PPP6R3: variants seen among roughly 807,000 people sequenced by gnomAD.
PPP6R3 encodes serine/threonine-protein phosphatase 6 regulatory subunit 3.
PPP6R3 carries 38 observed loss-of-function variants against 110.7 expected under a neutral mutation model. The ratio of observed to expected loss-of-function variants is 0.34; its 90% CI spans 0.26 to 0.45. The LOEUF (loss-of-function observed/expected upper bound fraction) is 0.45. PPP6R3 is among the 20% of genes least tolerant of loss of function. The probability of loss-of-function intolerance (pLI) is 1.00; values close to 1 mark genes in which losing one functional copy is unlikely to be tolerated. For missense variants in PPP6R3, 870 were observed against 1,062.4 expected, an observed-to-expected ratio of 0.82 and a Z score of 2.52; for synonymous variants, 369 against 373.5, an observed-to-expected ratio of 0.99 and a Z score of 0.14.
chr11:68,571,003 G>A (rs1565918989), intron 11 of PPP6R3, 37 bp from the exon 12 acceptor site: 14 of 1,568,092 alleles, frequency 8.9e-6, no homozygotes, highest in Non-Finnish European at 9.5e-6. Context: ...TTGATGCTTT[G>A]AAGTATTAAC....
chr11:68,546,869 C>G (rs546108507), intron 4 of PPP6R3, among the ~76,000 whole-genome samples: 30 of 152,240 alleles, frequency 2.0e-4, no homozygotes, highest in African/African-American at 7.0e-4. Flanking sequence ...CACTGAATTA[C>G]GGAATACTTG....
At chr11:68,469,942 T>G (rs1329688816) in intron 1 of PPP6R3, among the ~76,000 whole-genome samples, 2 of 152,254 alleles carry the variant, frequency 1.3e-5, no homozygotes, top group Non-Finnish European at 2.9e-5. Flanking sequence ...TATCCTTATA[T>G]AATGTGACTT....
intron 1 of PPP6R3, among the ~76,000 whole-genome samples, chr11:68,473,345 T>C (rs2098805840): frequency 6.6e-6 from 1 of 152,228 alleles, no homozygotes; most frequent in Non-Finnish European, 1.5e-5. Context: ...CTAGAACACA[T>C]GGAGGTTCCT....
chr11:68,559,214 A>G (rs1290304807), intron 8 of PPP6R3, among the ~76,000 whole-genome samples: 1 of 152,218 alleles, frequency 6.6e-6, no homozygotes, highest in Non-Finnish European at 1.5e-5. Context: ...TTTGAGGACA[A>G]ATTTCTTCTA....
chr11:68,476,401 G>A (rs549005215), intron 1 of PPP6R3, among the ~76,000 whole-genome samples: 13 of 143,480 alleles, frequency 9.1e-5, no homozygotes, highest in Admixed American at 4.9e-4. Flanking sequence ...GCAGTAAGCC[G>A]AGATGGCAGC....
At chr11:68,567,218 G>C (rs2099478130) in intron 10 of PPP6R3, 52 bp downstream of exon 10, 3 of 1,474,040 alleles carry the variant, frequency 2.0e-6, no homozygotes, top group Non-Finnish European at 2.7e-6. Flanking sequence ...ATATTTCATG[G>C]ATATTTAACC....
intron 8 of PPP6R3, among the ~76,000 whole-genome samples, chr11:68,562,346 ATTG>A (rs758891473): frequency 3.3e-5 from 5 of 152,244 alleles, no homozygotes; most frequent in Admixed American, 6.5e-5. Context: ...AAGACTCAGT[ATTG>A]TTAAGATGTC....
At chr11:68,551,056 A>G in intron 5 of PPP6R3, 65 bp from the exon 6 acceptor site, 1 of 1,116,418 alleles carries the variant, frequency 9.0e-7, no homozygotes, top group South Asian at 1.4e-5. Context: ...AAGTATGTTA[A>G]TCTACATTGG....
At chr11:68,516,784 A>G (rs1322455170) in intron 1 of PPP6R3, among the ~76,000 whole-genome samples, 1 of 152,174 alleles carries the variant, frequency 6.6e-6, no homozygotes, top group African/African-American at 2.4e-5. Context: ...CGGTTTTTCC[A>G]CAGCTGCTGT....
At chr11:68,463,359 A>G (rs958243993) in intron 1 of PPP6R3, among the ~76,000 whole-genome samples, 2 of 146,526 alleles carry the variant, frequency 1.4e-5, no homozygotes, top group Admixed American at 6.7e-5. Context: ...GTCTCAGAAA[A>G]AAAAAAAAAA....
At chr11:68,608,344 T>G (rs138235963) in intron 22 of PPP6R3, among the ~76,000 whole-genome samples, 31 of 152,306 alleles carry the variant, frequency 2.0e-4, no homozygotes, top group Non-Finnish European at 3.5e-4. Flanking sequence ...ATCAGAGAAT[T>G]ATAAACGATA....
At chr11:68,488,547 A>T (rs940629340) in intron 1 of PPP6R3, 7 of 151,996 alleles carry the variant, frequency 4.6e-5, no homozygotes, top group African/African-American at 1.7e-4. Context: ...TTGTATTTTT[A>T]TTGGGAGCTA....
intron 14 of PPP6R3, among the ~76,000 whole-genome samples, chr11:68,579,657 C>T (rs898543907): frequency 3.3e-5 from 5 of 152,198 alleles, no homozygotes; most frequent in African/African-American, 4.8e-5. Context: ...CGTGTGCACA[C>T]ACAATATGTG....
chr11:68,484,093 G>A (rs2098931672), intron 1 of PPP6R3, among the ~76,000 whole-genome samples: 1 of 152,166 alleles, frequency 6.6e-6, no homozygotes, highest in African/African-American at 2.4e-5. Flanking sequence ...TTGTCTGGAT[G>A]TGCCCAAATT....
At chr11:68,474,338 G>A (rs547804231) in intron 1 of PPP6R3, among the ~76,000 whole-genome samples, 2 of 152,108 alleles carry the variant, frequency 1.3e-5, no homozygotes, top group Non-Finnish European at 2.9e-5. Flanking sequence ...GTGCCACTGC[G>A]TCCAGCCTGA....
intron 16 of PPP6R3, among the ~76,000 whole-genome samples, 187 bp downstream of exon 16, chr11:68,588,211 T>A (rs547008583): frequency 6.6e-6 from 1 of 152,216 alleles, no homozygotes; most frequent in East Asian, 1.9e-4. Flanking sequence ...AAAATAACAC[T>A]GCAGTGGCCG....
rs2099252733 is a variant in PPP6R3 at position 68,533,566 on chromosome 11, G to C, written c.-6-4093G>C. Among the ~76,000 whole-genome samples, 2 of 151,848 alleles carry C rather than the reference G, an allele frequency of 1.3e-5. 1 individual carries two copies. Among genetic ancestry groups the C allele is most frequent in the Admixed American group, 1.3e-4 (2 of 15,226 alleles). ...AGAAGTACAAAAAAATTAGCCAGGT[G>C]TGGTGGCACGGGTCTGTAGTCTCAG... On this transcript the variant is annotated intron_variant, in intron 2 of 23. Coordinates refer to ENST00000393800, the MANE Select transcript of PPP6R3 (RefSeq NM_001164161.2).
chr11:68,597,300 C>A (rs1405943692), intron 19 of PPP6R3, among the ~76,000 whole-genome samples: 1 of 152,096 alleles, frequency 6.6e-6, no homozygotes, highest in Non-Finnish European at 1.5e-5. Context: ...GGGATTTGCC[C>A]GTGCGAGAGA....
chr11:68,494,554 A>C (rs1347253739), intron 1 of PPP6R3, among the ~76,000 whole-genome samples: 2 of 152,112 alleles, frequency 1.3e-5, no homozygotes, highest in African/African-American at 4.8e-5. Context: ...ATATAAAGGA[A>C]TACCTTATGG....
Sources: gnomAD v4.1 joint callset for allele counts (sites outside exome capture counted in the v4.1 genomes callset) on GRCh38, gnomAD v4.1.1 for gene constraint, MANE v1.5 for transcripts, NCBI Gene and HGNC (gene_info 2026-07-23, HGNC 2026-07-21) for gene names.